Variants in HOXB1 observed in about 807,000 individuals in gnomAD.
HOXB1 encodes homeobox protein Hox-B1.
A neutral mutation model predicts 26.9 loss-of-function variants in HOXB1; 13 were observed. The observed-to-expected ratio is 0.48, with a 90% CI of 0.31 to 0.77. The LOEUF is 0.77. Ranked by LOEUF, HOXB1 falls within the 30% of genes least tolerant of loss-of-function variation. The pLI is 0.04. For synonymous variants in HOXB1, 168 were observed against 170.8 expected, an observed-to-expected ratio of 0.98 and a Z score of 0.13; for missense variants, 366 against 403.6, an observed-to-expected ratio of 0.91 and a Z score of 0.80.
At position 48,530,967 on chromosome 17, in the gene HOXB1, C is replaced by T. The variant is rs1035100126; in HGVS notation, c.-63G>A. ...GACACCCTCTTGCCCTACAACCTTT[C>T]GGCAGTATGTCACAGCGCTGGGGCT... is the stretch of plus-strand genomic sequence containing the variant. On this transcript the variant is annotated 5_prime_UTR_variant, in exon 1 of 2. Transcript: ENST00000239174. This position sits in a 1 kb window ranked among gnomAD's most constrained non-coding sequence, Gnocchi z 6.2. The T allele has an allele frequency of 1.7e-4, 204 of 1,216,440 alleles. 1 individual carries two copies. Among genetic ancestry groups the T allele is most frequent in the Middle Eastern group, 2.5e-4 (1 of 4,058 alleles). 75.4% of individuals were successfully genotyped at this position (1,216,440 alleles called of 1,614,324 possible). A position where few individuals can be genotyped will look rare whatever the true frequency, so the allele number is the denominator to read the frequency against.
In HOXB1 at chr17:48,530,942, G is replaced by A; in HGVS notation, c.-38C>T. 7.1e-7 allele frequency: 1 copy of A among 1,406,846 alleles called. No individual in the cohort carries two copies. Among genetic ancestry groups the A allele is most frequent in the Non-Finnish European group, 9.6e-7 (1 of 1,041,302 alleles). The allele number at this position is 1,406,846 out of a possible 1,614,324, so 87.1% of individuals were successfully genotyped here. Reference sequence around the variant, plus strand: ...CAGGAGGGTCGGCCCGTTTGGGGGAGACACCCTCTTGCCCTACAACCTTTC... The same window carrying A: ...CAGGAGGGTCGGCCCGTTTGGGGGAAACACCCTCTTGCCCTACAACCTTTC... On this transcript the variant is annotated 5_prime_UTR_variant, in exon 1 of 2. Transcript: ENST00000239174. The surrounding 1 kb of genome is among the most constrained non-coding windows in gnomAD (Gnocchi z 6.2).
Position 48,529,210 on chromosome 17 carries a change from A to C in HOXB1, c.*337T>G, listed in dbSNP as rs1008751535. The C allele has an allele frequency of 3.7e-5, 8 of 218,956 alleles. No homozygotes were observed. The highest frequency in any genetic ancestry group is 1.6e-4 in the African/African-American group (7 of 44,012). 13.6% of individuals were successfully genotyped at this position (218,956 alleles called of 1,614,324 possible). On this transcript the variant is annotated 3_prime_UTR_variant, in exon 2 of 2. Transcript: ENST00000239174. ...CCGAATAAACCCAAGTTGGAAGGGA[A>C]AGGAGGATGAATCCAGGAGGATGAG...
In HOXB1 at chr17:48,530,142, C is replaced by T. The variant is rs1361044763; in HGVS notation, c.577+186G>A. 3 of 642,512 alleles carry T rather than the reference C, an allele frequency of 4.7e-6. No individual in the cohort carries two copies. Among genetic ancestry groups the T allele is most frequent in the Admixed American group, 2.8e-5 (1 of 35,304 alleles). 39.8% of individuals were successfully genotyped at this position (642,512 alleles called of 1,614,324 possible). ...GTGGGGTGTGTATGGAAACTTACTC[C>T]TGGGGTGACCGGTTACATACTGGGT... On this transcript the variant is annotated intron_variant, in intron 1 of 1. Coordinates refer to ENST00000239174, the MANE Select transcript of HOXB1 (RefSeq NM_002144.4). The surrounding 1 kb of genome is among the most constrained non-coding windows in gnomAD (Gnocchi z 6.2).
chr17:48,529,671 C>T lies in HOXB1; in HGVS notation c.782G>A (p.Arg261His), dbSNP rs753190451. The change falls in exon 2 of 2, where the codon CGC (arginine) becomes CAC (histidine). Residue 261 changes from arginine to histidine, a missense_variant. Transcript: ENST00000239174. The part of the protein sequence containing the change: ...FQNRRMKQKK[R>H]EREEGRVPPA... ...GGGGACCCGACCTTCCTCTCGCTCGCGCTTCTTCTGCTTCATTCGTCGGTT... is the reference window on the plus strand; with the variant it reads ...GGGGACCCGACCTTCCTCTCGCTCGTGCTTCTTCTGCTTCATTCGTCGGTT... 17 of 1,612,746 alleles carry T rather than the reference C, an allele frequency of 1.1e-5. No individual in the cohort carries two copies. Among genetic ancestry groups the T allele is most frequent in the African/African-American group, 2.7e-5 (2 of 75,042 alleles).
Position 48,530,287 on chromosome 17 carries a change from C to G in HOXB1, c.577+41G>C. On this transcript the variant is annotated intron_variant, in intron 1 of 1. Transcript: ENST00000239174. The surrounding 1 kb of genome is among the most constrained non-coding windows in gnomAD (Gnocchi z 6.2). ...TGTCACTGCAGGGGAAGCAGAGATGCTTTGGGCCCCGGAGAAGGGGTGGCC... is the reference window on the plus strand; with the variant it reads ...TGTCACTGCAGGGGAAGCAGAGATGGTTTGGGCCCCGGAGAAGGGGTGGCC... 6.5e-7 allele frequency: 1 copy of G among 1,541,470 alleles called. No homozygotes were observed. Among genetic ancestry groups the G allele is most frequent in the Non-Finnish European group, 8.9e-7 (1 of 1,122,596 alleles).
chr17:48,529,081 A>G lies in HOXB1; in HGVS notation c.*466T>C, dbSNP rs936886037. 6.5e-6 allele frequency: 1 copy of G among 153,848 alleles called. No homozygotes were observed. The highest frequency in any genetic ancestry group is 1.4e-5 in the Non-Finnish European group (1 of 69,200). 9.5% of individuals were successfully genotyped at this position (153,848 alleles called of 1,614,324 possible). A position where few individuals can be genotyped will look rare whatever the true frequency, so the allele number is the denominator to read the frequency against. On this transcript the variant is annotated 3_prime_UTR_variant, in exon 2 of 2. Transcript: ENST00000239174. Reference sequence around the variant, plus strand: ...CATTGATAATAATATGGCTGCACCCAAACACCTCCCACACAAGAAAATTTA... The same window carrying G: ...CATTGATAATAATATGGCTGCACCCGAACACCTCCCACACAAGAAAATTTA...
rs770313270 is a variant in HOXB1 at position 48,530,936 on chromosome 17, G to T, written c.-32C>A. On this transcript the variant is annotated 5_prime_UTR_variant, in exon 1 of 2. Transcript: ENST00000239174. This position sits in a 1 kb window ranked among gnomAD's most constrained non-coding sequence, Gnocchi z 6.2. ...AGGCCGCAGGAGGGTCGGCCCGTTT[G>T]GGGGAGACACCCTCTTGCCCTACAA... 45 of 1,436,014 alleles carry T rather than the reference G, an allele frequency of 3.1e-5. No individual in the cohort carries two copies. Among genetic ancestry groups the T allele is most frequent in the East Asian group, 4.6e-5 (2 of 43,364 alleles). 89.0% of individuals were successfully genotyped at this position (1,436,014 alleles called of 1,614,324 possible).
At position 48,529,749 on chromosome 17, in the gene HOXB1, T is replaced by A. The variant is rs774220542; in HGVS notation, c.704A>T (p.Glu235Val). The stretch of plus-strand genomic sequence containing the variant: ...ATTGAGCTCCAGGGTGGCGGCAATC[T>A]CCACCCTCCGGGCCCGGCTCAGGTA... ...NKYLSRARRV[E>V]IAATLELNET... The change falls in exon 2 of 2, where the codon GAG becomes GTG. Residue 235 changes from glutamate to valine, a missense_variant. By Grantham distance (121) the Glu-to-Val change is moderately radical (BLOSUM62 -2). Transcript: ENST00000239174. 6.2e-7 allele frequency: 1 copy of A among 1,611,196 alleles called. No homozygotes were observed. The highest frequency in any genetic ancestry group is 1.1e-5 in the South Asian group (1 of 91,078).
Position 48,530,505 on chromosome 17 carries a change from G to T in HOXB1, c.400C>A (p.Pro134Thr). Reference sequence around the variant, plus strand: ...GGATGCTGCGGAGGATATGGCCCCGGACCGGCTCCACCTGCTCCGTAGCCA... The same window carrying T: ...GGATGCTGCGGAGGATATGGCCCCGTACCGGCTCCACCTGCTCCGTAGCCA... ...SDGYGAGGAGPGPYPPQHPPY... is the reference protein window; with the variant it reads ...SDGYGAGGAGTGPYPPQHPPY... Residue 134 changes from proline (P) to threonine (T), a missense_variant, in exon 1 of 2, where the codon CCG becomes ACG. Coordinates refer to ENST00000239174, the MANE Select transcript of HOXB1 (RefSeq NM_002144.4). This position sits in a 1 kb window ranked among gnomAD's most constrained non-coding sequence, Gnocchi z 6.2. 1 of 1,614,094 alleles carries T rather than the reference G, an allele frequency of 6.2e-7. No homozygotes were observed.
At position 48,530,939 on chromosome 17, in the gene HOXB1, G is replaced by A; in HGVS notation, c.-35C>T. 7.0e-7 allele frequency: 1 copy of A among 1,420,418 alleles called. No homozygotes were observed. Among genetic ancestry groups the A allele is most frequent in the Non-Finnish European group, 9.5e-7 (1 of 1,052,766 alleles). The allele number at this position is 1,420,418 out of a possible 1,614,324, so 88.0% of individuals were successfully genotyped here. ...CCGCAGGAGGGTCGGCCCGTTTGGG[G>A]GAGACACCCTCTTGCCCTACAACCT... On this transcript the variant is annotated 5_prime_UTR_variant, in exon 1 of 2. Transcript: ENST00000239174. This position sits in a 1 kb window ranked among gnomAD's most constrained non-coding sequence, Gnocchi z 6.2.
rs374271165 is a variant in HOXB1 at position 48,530,524 on chromosome 17, G to A, written c.381C>T (p.Tyr127=). 9 of 1,613,922 alleles carry A rather than the reference G, an allele frequency of 5.6e-6. No individual in the cohort carries two copies. The East Asian group carries it at 8.9e-5, about 16-fold the overall frequency. The change falls in exon 1 of 2, where the codon TAC becomes TAT. Residue 127 remains tyrosine, a synonymous_variant. Coordinates refer to ENST00000239174, the MANE Select transcript of HOXB1 (RefSeq NM_002144.4). The surrounding 1 kb of genome is among the most constrained non-coding windows in gnomAD (Gnocchi z 6.2). ...GCCCCGGACCGGCTCCACCTGCTCC[G>A]TAGCCATCGGACAAGCCCCCTAGCT... ...GAQLGGLSDG[Y]GAGGAGPGPY...
chr17:48,530,626 G>A lies in HOXB1; in HGVS notation c.279C>T (p.Tyr93=), dbSNP rs749674113. The change falls in exon 1 of 2, where the codon TAC becomes TAT. Residue 93 remains tyrosine, a synonymous_variant. Transcript: ENST00000239174. The surrounding 1 kb of genome is among the most constrained non-coding windows in gnomAD (Gnocchi z 6.2). ...CCAGAGGGTAGTACTGAGAAGGCCC[G>A]TAGCTGGGGCTGCAGGCGGCAGGAG... ...GYAPAACSPS[Y]GPSQYYPLGQ... is the part of the protein sequence containing the mutation. The A allele has an allele frequency of 3.1e-6, 5 of 1,613,932 alleles. No individual in the cohort carries two copies. Among genetic ancestry groups the A allele is most frequent in the South Asian group, 2.2e-5 (2 of 91,090 alleles).
chr17:48,530,581 T>C lies in HOXB1; in HGVS notation c.324A>G (p.Gly108=), dbSNP rs962231910. 2 of 1,613,924 alleles carry C rather than the reference T, an allele frequency of 1.2e-6. No individual in the cohort carries two copies. The highest frequency in any genetic ancestry group is 2.7e-5 in the African/African-American group (2 of 74,924). Reference sequence around the variant, plus strand: ...CGTAGCTCGAGGGATGAAAATAGCCTCCGTCTCCTTCTGATTGACCCAGAG... The same window carrying C: ...CGTAGCTCGAGGGATGAAAATAGCCCCCGTCTCCTTCTGATTGACCCAGAG... The part of the protein sequence containing the change: ...YYPLGQSEGD[G]GYFHPSSYGA... Residue 108 remains glycine, a synonymous_variant, in exon 1 of 2, where the codon GGA becomes GGG. Transcript: ENST00000239174. This position sits in a 1 kb window ranked among gnomAD's most constrained non-coding sequence, Gnocchi z 6.2.
rs763920307 is a variant in HOXB1, at chr17:48,529,574, T to C, written c.879A>G (p.Glu293=). 2.0e-6 allele frequency: 3 copies of C among 1,538,214 alleles called. No individual in the cohort carries two copies. ...AGGAGGTGACAGAGCTGGGTGAGGC[T>C]TCCGGGGAGGTGCATGTCGACTGGT... ...ASDQSTCTSP[E]ASPSSVTS The change falls in exon 2 of 2, where the codon GAA becomes GAG. Residue 293 remains glutamate (E), a synonymous_variant. Coordinates refer to ENST00000239174, the MANE Select transcript of HOXB1 (RefSeq NM_002144.4).
Position 48,530,012 on chromosome 17 carries a change from C to G in HOXB1, c.578-137G>C. ...CAGTTGTCAAAGTTCCCAGGGACCA[C>G]CAGGTACCCCCATGGTGATCACCAA... On this transcript the variant is annotated intron_variant, in intron 1 of 1. Transcript: ENST00000239174. This position sits in a 1 kb window ranked among gnomAD's most constrained non-coding sequence, Gnocchi z 6.2. 2.8e-6 allele frequency: 2 copies of G among 723,378 alleles called. No individual in the cohort carries two copies. Among genetic ancestry groups the G allele is most frequent in the South Asian group, 3.7e-5 (2 of 54,192 alleles). 44.8% of individuals were successfully genotyped at this position (723,378 alleles called of 1,614,324 possible). A position where few individuals can be genotyped will look rare whatever the true frequency, so the allele number is the denominator to read the frequency against.
rs767847677 is a variant in HOXB1 at position 48,530,950 on chromosome 17, C to G, written c.-46G>C. 2.2e-6 allele frequency: 3 copies of G among 1,359,412 alleles called. No homozygotes were observed. The highest frequency in any genetic ancestry group is 3.0e-6 in the Non-Finnish European group (3 of 999,918). 84.2% of individuals were successfully genotyped at this position (1,359,412 alleles called of 1,614,324 possible). A position where few individuals can be genotyped will look rare whatever the true frequency, so the allele number is the denominator to read the frequency against. ...TCGGCCCGTTTGGGGGAGACACCCTCTTGCCCTACAACCTTTCGGCAGTAT... is the reference window on the plus strand; with the variant it reads ...TCGGCCCGTTTGGGGGAGACACCCTGTTGCCCTACAACCTTTCGGCAGTAT... On this transcript the variant is annotated 5_prime_UTR_variant, in exon 1 of 2. Coordinates refer to ENST00000239174, the MANE Select transcript of HOXB1 (RefSeq NM_002144.4). The surrounding 1 kb of genome is among the most constrained non-coding windows in gnomAD (Gnocchi z 6.2).
rs2068432966 is a variant in HOXB1 at position 48,530,777 on chromosome 17, G to A, written c.128C>T (p.Ala43Val). 1 of 1,609,688 alleles carries A rather than the reference G, an allele frequency of 6.2e-7. No individual in the cohort carries two copies. The highest frequency in any genetic ancestry group is 8.5e-7 in the Non-Finnish European group (1 of 1,177,876). The stretch of plus-strand genomic sequence containing the variant: ...CCCCCCACCGTAGCGGCCCTCGCTT[G>A]CATAGCTGTCAACCGCCTGAGCCGA... Reference protein sequence around the residue: ...PSSAQAVDSYASEGRYGGGLS... With the variant: ...PSSAQAVDSYVSEGRYGGGLS... The change falls in exon 1 of 2, where the codon GCA (alanine) becomes GTA (valine). Residue 43 changes from alanine to valine, a missense_variant. Transcript: ENST00000239174. The surrounding 1 kb of genome is among the most constrained non-coding windows in gnomAD (Gnocchi z 6.2).
chr17:48,529,331 C>T lies in HOXB1; in HGVS notation c.*216G>A. 2.4e-6 allele frequency: 1 copy of T among 414,372 alleles called. No homozygotes were observed. Among genetic ancestry groups the T allele is most frequent in the Non-Finnish European group, 4.3e-6 (1 of 234,944 alleles). 25.7% of individuals were successfully genotyped at this position (414,372 alleles called of 1,614,324 possible). A position where few individuals can be genotyped will look rare whatever the true frequency, so the allele number is the denominator to read the frequency against. On this transcript the variant is annotated 3_prime_UTR_variant, in exon 2 of 2. Transcript: ENST00000239174. The stretch of plus-strand genomic sequence containing the variant: ...TACATTTGACAGGTTCCATGCCTCC[C>T]AGGCCTCTGGTCCTGTAGGGCCCCC...
chr17:48,530,422 G>C lies in HOXB1; in HGVS notation c.483C>G (p.Ser161=). The change falls in exon 1 of 2, where the codon TCC becomes TCG. Residue 161 remains serine, a synonymous_variant. Coordinates refer to ENST00000239174, the MANE Select transcript of HOXB1 (RefSeq NM_002144.4). The surrounding 1 kb of genome is among the most constrained non-coding windows in gnomAD (Gnocchi z 6.2). ...AAGGGCAGGGTGTTTCCTTGTCCTC[G>C]GAGAGGAGATCAGCATAGGCCGGTG... ...SFAPAYADLL[S]EDKETPCPSE... is the part of the protein sequence containing the mutation. 6.2e-7 allele frequency: 1 copy of C among 1,614,102 alleles called. No homozygotes were observed. The highest frequency in any genetic ancestry group is 1.1e-5 in the South Asian group (1 of 91,074).
Sources: allele counts gnomAD v4.1 joint callset, GRCh38; gene constraint gnomAD v4.1.1; non-coding constraint Gnocchi (gnomAD v3.1); transcripts MANE v1.5; gene names NCBI Gene and HGNC (gene_info 2026-07-23, HGNC 2026-07-21).